Variants in GPC5 observed in about 807,000 individuals in gnomAD.
GPC5 encodes glypican-5.
In GPC5, 47 loss-of-function variants were observed where a neutral mutation model predicts 53.9. The ratio of observed to expected loss-of-function variants is 0.87; its 90% confidence interval spans 0.69 to 1.11. The LOEUF (loss-of-function observed/expected upper bound fraction) is 1.11. GPC5 is among the 50% of genes most tolerant of loss of function. GPC5 has a pLI of 0.00. For synonymous variants in GPC5, 286 were observed against 263.3 expected (o/e 1.09, Z -0.84); for missense variants, 748 against 713.1 (o/e 1.05, Z -0.56).
Position 91,859,422 on chromosome 13 carries a change from C to T in GPC5, c.1281-48515C>T, listed in dbSNP as rs182338256. On this transcript the variant is annotated intron_variant, in intron 5 of 7. Coordinates refer to ENST00000377067, the MANE Select transcript of GPC5 (RefSeq NM_004466.6). ...AACTTCTAAGGATCATTAGAGGCTA[C>T]TATGAGCAACCATAGGCCAATAGAT... is the stretch of plus-strand genomic sequence containing the variant. 7.2e-4 allele frequency among the ~76,000 whole-genome samples: 110 copies of T among 151,874 alleles called. No homozygotes were observed. In the East Asian group the frequency reaches 0.019, roughly 27 times the overall value.
In GPC5 at chr13:92,290,732, C is replaced by T. The variant is rs547869301; in HGVS notation, c.1561+145743C>T. ...GAGAGGTGACAGCGTGCTGGCAGTC[C>T]TCACAGCTCTCGCTCGCTCTCGGCG... On this transcript the variant is annotated intron_variant, in intron 7 of 7. Transcript: ENST00000377067. Among the ~76,000 whole-genome samples the T allele has an allele frequency of 2.6e-5, 4 of 152,334 alleles. No individual in the cohort carries two copies. In the South Asian group the frequency reaches 8.3e-4, roughly 32 times the overall value.
At chr13:91,856,174 C>T (rs1040030234) in intron 5 of GPC5, among the ~76,000 whole-genome samples, 5 of 151,348 alleles carry the variant, frequency 3.3e-5, no homozygotes, top group African/African-American at 1.2e-4. Flanking sequence ...GTTTTCATTG[C>T]TAAGTAGTAT....
intron 7 of GPC5, among the ~76,000 whole-genome samples, chr13:92,752,804 C>T (rs1049304285): frequency 1.5e-4 from 23 of 152,106 alleles, no homozygotes; most frequent in Admixed American, 3.9e-4. Context: ...CAGCGCACCA[C>T]GAGATTATAT....
At chr13:91,502,811 T>C (rs1263361604) in intron 2 of GPC5, among the ~76,000 whole-genome samples, 1 of 152,198 alleles carries the variant, frequency 6.6e-6, no homozygotes, top group African/African-American at 2.4e-5. Flanking sequence ...CTATTTTTTG[T>C]TTTCATTTTA....
At chr13:92,806,548 T>A (rs1413876305) in intron 7 of GPC5, among the ~76,000 whole-genome samples, 1 of 152,092 alleles carries the variant, frequency 6.6e-6, no homozygotes, top group Admixed American at 6.6e-5. Flanking sequence ...CTAAATCATT[T>A]ACAGCTTTTG....
At chr13:92,079,055 T>C (rs2041274554) in intron 6 of GPC5, among the ~76,000 whole-genome samples, 1 of 151,860 alleles carries the variant, frequency 6.6e-6, no homozygotes, top group Admixed American at 6.6e-5. Context: ...TTTTTTTAAT[T>C]TTTCTTTTTT....
At chr13:91,434,121 A>C (rs1257242408) in intron 1 of GPC5, among the ~76,000 whole-genome samples, 3 of 152,098 alleles carry the variant, frequency 2.0e-5, no homozygotes, top group Non-Finnish European at 4.4e-5. Flanking sequence ...AGATGAGTAG[A>C]TTGCAAAAAT....
intron 7 of GPC5, among the ~76,000 whole-genome samples, chr13:92,163,703 A>G (rs979134830): frequency 6.6e-6 from 1 of 152,202 alleles, no homozygotes; most frequent in African/African-American, 2.4e-5. Context: ...TCAGTGAAGA[A>G]CAATGAGAAT....
At chr13:91,437,838 C>T (rs1880103420) in intron 1 of GPC5, among the ~76,000 whole-genome samples, 1 of 152,196 alleles carries the variant, frequency 6.6e-6, no homozygotes, top group African/African-American at 2.4e-5. Context: ...TCCCATATTT[C>T]TTGGAGGCTT....
chr13:92,721,802 A>AG (rs1289255485), intron 7 of GPC5, among the ~76,000 whole-genome samples: 2 of 152,024 alleles, frequency 1.3e-5, no homozygotes, highest in Non-Finnish European at 2.9e-5. Context: ...AAGATAACAG[A>AG]GGGGGGTTCA....
chr13:92,723,521 C>T (rs1888558600), intron 7 of GPC5, among the ~76,000 whole-genome samples: 1 of 151,622 alleles, frequency 6.6e-6, no homozygotes, highest in Admixed American at 6.6e-5. Context: ...ACTGAAATAC[C>T]ACTACACCCC....
chr13:91,531,915 T>C (rs1886362492), intron 2 of GPC5, among the ~76,000 whole-genome samples: 1 of 152,228 alleles, frequency 6.6e-6, no homozygotes, highest in African/African-American at 2.4e-5. Context: ...CTTAGATCTT[T>C]CTGCTAATAA....
At chr13:91,464,773 A>C (rs978987809) in intron 2 of GPC5, among the ~76,000 whole-genome samples, 1 of 152,052 alleles carries the variant, frequency 6.6e-6, no homozygotes, top group Non-Finnish European at 1.5e-5. Context: ...GGTGATGGTT[A>C]CATGAAGCTA....
intron 2 of GPC5, among the ~76,000 whole-genome samples, chr13:91,587,767 T>A (rs1241072440): frequency 6.6e-6 from 1 of 152,188 alleles, no homozygotes; most frequent in African/African-American, 2.4e-5. Context: ...CTGCCTTTTC[T>A]TATTCTCCCA....
rs1037845252 is a variant in GPC5 at position 91,436,808 on chromosome 13, T to A, written c.164-11953T>A. ...GGGGTGTTAAAGTCTCCCATTATTA[T>A]TGTGTGAGAGTCTAAGTCTCTTTCT... On this transcript the variant is annotated intron_variant, in intron 1 of 7. Transcript: ENST00000377067. 5.3e-5 allele frequency among the ~76,000 whole-genome samples: 8 copies of A among 152,142 alleles called. No homozygotes were observed. In the East Asian group the frequency reaches 1.3e-3, roughly 26 times the overall value.
chr13:92,374,358 T>C (rs2043675193), intron 7 of GPC5, among the ~76,000 whole-genome samples: 1 of 152,120 alleles, frequency 6.6e-6, no homozygotes, highest in South Asian at 2.1e-4. Context: ...TTATAGTATA[T>C]ACTGATTTCT....
intron 2 of GPC5, among the ~76,000 whole-genome samples, chr13:91,463,330 A>C (rs536873193): frequency 6.6e-6 from 1 of 152,140 alleles, no homozygotes; most frequent in Admixed American, 6.6e-5. Flanking sequence ...TTTTCAGTAC[A>C]TGGTTGGTTG....
At chr13:92,603,174 A>G (rs1307766517) in intron 7 of GPC5, among the ~76,000 whole-genome samples, 1 of 152,222 alleles carries the variant, frequency 6.6e-6, no homozygotes, top group East Asian at 1.9e-4. Flanking sequence ...AAAGGTCTCA[A>G]TTCCAATAAC....
intron 7 of GPC5, among the ~76,000 whole-genome samples, chr13:92,295,154 G>C (rs889577062): frequency 6.6e-6 from 1 of 151,994 alleles, no homozygotes. Context: ...TAGGCACTTA[G>C]GGCTATGAAC....
Sources: gnomAD v4.1 joint callset for allele counts (sites outside exome capture counted in the v4.1 genomes callset) on GRCh38, gnomAD v4.1.1 for gene constraint, MANE v1.5 for transcripts, NCBI Gene and HGNC (gene_info 2026-07-23, HGNC 2026-07-21) for gene names.